Variants in EXOC4 observed in about 807,000 individuals in gnomAD.
EXOC4 encodes SEC8-like 1.
EXOC4 carries 71 observed loss-of-function variants against 107.2 expected under a neutral mutation model. That is an observed-to-expected ratio of 0.66 (90% CI 0.55 to 0.81). EXOC4 has a LOEUF of 0.81. EXOC4 is among the 30% of genes least tolerant of loss of function. EXOC4 has a pLI of 0.00. For synonymous variants in EXOC4, 456 were observed against 441.2 expected, an observed-to-expected ratio of 1.03 and a Z score of -0.42; for missense variants, 1,108 against 1,189.6, an observed-to-expected ratio of 0.93 and a Z score of 1.01.
At chr7:133,330,879 C>A (rs1795368263) in intron 5 of EXOC4, among the ~76,000 whole-genome samples, 4 of 151,966 alleles carry the variant, frequency 2.6e-5, no homozygotes, top group Admixed American at 2.0e-4. Context: ...GAGCTGCAAA[C>A]CGGAGCTGTT....
At chr7:134,013,776 A>G (rs2116378610) in intron 17 of EXOC4, among the ~76,000 whole-genome samples, 1 of 152,340 alleles carries the variant, frequency 6.6e-6, no homozygotes, top group Non-Finnish European at 1.5e-5. Flanking sequence ...CATATTAAGC[A>G]TGAAAAATGC....
intron 10 of EXOC4, among the ~76,000 whole-genome samples, chr7:133,696,392 C>T (rs1794534077): frequency 6.6e-6 from 1 of 152,174 alleles, no homozygotes; most frequent in South Asian, 2.1e-4. Context: ...TACTATTCCT[C>T]ACTCCCCTGA....
At chr7:134,031,974 C>T (rs1252872796) in intron 17 of EXOC4, among the ~76,000 whole-genome samples, 1 of 152,176 alleles carries the variant, frequency 6.6e-6, no homozygotes, top group Non-Finnish European at 1.5e-5. Flanking sequence ...GATTGTAAAT[C>T]ATGACTCTTT....
intron 13 of EXOC4, among the ~76,000 whole-genome samples, chr7:133,922,836 G>C (rs544289694): frequency 6.6e-6 from 1 of 150,744 alleles, no homozygotes; most frequent in African/African-American, 2.4e-5. Flanking sequence ...GCGACAGAGC[G>C]AGACTCCGTC....
intron 11 of EXOC4, among the ~76,000 whole-genome samples, chr7:133,877,150 C>T (rs1798867532): frequency 6.6e-6 from 1 of 151,846 alleles, no homozygotes. Context: ...CTGTGTCTTC[C>T]ATTCCTGTTT....
chr7:133,554,473 C>T (rs540857493), intron 9 of EXOC4, among the ~76,000 whole-genome samples: 2 of 152,112 alleles, frequency 1.3e-5, no homozygotes, highest in East Asian at 1.9e-4. Flanking sequence ...AGTGCTGGGG[C>T]AGTATCTGTA....
At chr7:133,635,157 A>G (rs1013645052) in intron 10 of EXOC4, among the ~76,000 whole-genome samples, 2 of 152,290 alleles carry the variant, frequency 1.3e-5, no homozygotes, top group East Asian at 3.9e-4. Flanking sequence ...TAATTACATC[A>G]TGGTAGTTAT....
At chr7:133,916,321 C>A (rs1224908410) in intron 12 of EXOC4, among the ~76,000 whole-genome samples, 1 of 152,210 alleles carries the variant, frequency 6.6e-6, no homozygotes, top group Non-Finnish European at 1.5e-5. Context: ...CAGTTCCTAA[C>A]AGGCCATGGA....
chr7:133,275,626 TGGAG>T (rs1480451074), intron 2 of EXOC4, among the ~76,000 whole-genome samples: 2 of 152,158 alleles, frequency 1.3e-5, no homozygotes, highest in Non-Finnish European at 1.5e-5. Flanking sequence ...TCACATGAAT[TGGAG>T]GGCAGCCAGT....
intron 9 of EXOC4, among the ~76,000 whole-genome samples, chr7:133,490,364 G>T (rs1333988993): frequency 6.6e-5 from 10 of 152,314 alleles, no homozygotes; most frequent in East Asian, 3.9e-4. Flanking sequence ...GGAGTTGTGT[G>T]TATGTATATA....
chr7:133,725,319 A>T (rs1453368687), intron 10 of EXOC4, among the ~76,000 whole-genome samples: 2 of 151,898 alleles, frequency 1.3e-5, no homozygotes, highest in East Asian at 1.9e-4. Flanking sequence ...CTTAGCAAAA[A>T]TTTTTTTTCT....
chr7:133,584,996 C>G (rs889493796), intron 9 of EXOC4, among the ~76,000 whole-genome samples: 3 of 152,174 alleles, frequency 2.0e-5, no homozygotes, highest in Admixed American at 6.5e-5. Flanking sequence ...ATTCAAGGCT[C>G]TTTGGAGTCT....
chr7:133,302,150 G>T (rs1794654969), intron 3 of EXOC4, among the ~76,000 whole-genome samples: 1 of 152,056 alleles, frequency 6.6e-6, no homozygotes, highest in African/African-American at 2.4e-5. Flanking sequence ...TTTAGTTATA[G>T]AAACATTTTT....
At chr7:133,408,542 C>T (rs1031509399) in intron 7 of EXOC4, among the ~76,000 whole-genome samples, 4 of 150,300 alleles carry the variant, frequency 2.7e-5, no homozygotes, top group South Asian at 2.1e-4. Flanking sequence ...GAGGAGGGGG[C>T]GGTGATGGTG....
chr7:133,570,818 A>T (rs1801008221), intron 9 of EXOC4, among the ~76,000 whole-genome samples: 1 of 152,236 alleles, frequency 6.6e-6, no homozygotes, highest in Non-Finnish European at 1.5e-5. Flanking sequence ...AATCAACATG[A>T]TGCCAGTTCT....
At chr7:133,855,042 T>TATATATCTAAATATATTTAA (rs1798320192) in intron 11 of EXOC4, among the ~76,000 whole-genome samples, 1 of 75,690 alleles carries the variant, frequency 1.3e-5, no homozygotes, top group African/African-American at 6.1e-5. Flanking sequence ...TCTAAATATA[T>TATATATCTAAATATATTTAA]ATATATCTAA....
At chr7:133,387,468 CAT>C (rs1223880283) in intron 7 of EXOC4, among the ~76,000 whole-genome samples, 1 of 152,120 alleles carries the variant, frequency 6.6e-6, no homozygotes, top group African/African-American at 2.4e-5. Flanking sequence ...AGTTGGCAAA[CAT>C]AGATAATTCC....
intron 10 of EXOC4, among the ~76,000 whole-genome samples, chr7:133,746,825 A>G (rs1458056451): frequency 6.6e-6 from 1 of 152,170 alleles, no homozygotes; most frequent in African/African-American, 2.4e-5. Context: ...TCCTCATTCA[A>G]CTGCCAGACT....
At chr7:133,804,841 T>C (rs1264995995) in intron 10 of EXOC4, among the ~76,000 whole-genome samples, 1 of 152,202 alleles carries the variant, frequency 6.6e-6, no homozygotes, top group East Asian at 1.9e-4. Context: ...TTCACAACTT[T>C]CTTTTTTTCC....
Sources: gnomAD v4.1 joint callset for allele counts (sites outside exome capture counted in the v4.1 genomes callset) on GRCh38, gnomAD v4.1.1 for gene constraint, MANE v1.5 for transcripts, NCBI Gene and HGNC (gene_info 2026-07-23, HGNC 2026-07-21) for gene names.